The following PUM1 variants were observed in gnomAD, a reference collection of about 807,000 sequenced individuals.
The protein encoded by PUM1 is pumilio RNA binding family member 1.
PUM1 carries 13 observed loss-of-function variants against 131.8 expected under a neutral mutation model. That is an observed-to-expected ratio of 0.10 (90% CI 0.06 to 0.16). The LOEUF (loss-of-function observed/expected upper bound fraction) is 0.16, where lower values mean the gene tolerates loss of function less well. PUM1 is among the 10% of genes least tolerant of loss of function. The pLI is 1.00. For missense variants in PUM1, 961 were observed against 1,512.4 expected (o/e 0.64, Z 6.05); for synonymous variants, 509 against 556.5 (o/e 0.91, Z 1.20).
intron 14 of PUM1, among the ~76,000 whole-genome samples, chr1:30,956,200 T>G (rs1257570971): frequency 6.6e-6 from 1 of 152,230 alleles, no homozygotes; most frequent in Non-Finnish European, 1.5e-5. Flanking sequence ...AAAGTGATTT[T>G]TTTAAGGAAG....
chr1:31,033,719 T>C (rs1333848358), intron 2 of PUM1, among the ~76,000 whole-genome samples: 1 of 152,048 alleles, frequency 6.6e-6, no homozygotes. Context: ...TGGAATGCAG[T>C]GGCGCAATCA....
At chr1:30,945,052 G>T (rs1639612267) in intron 18 of PUM1, among the ~76,000 whole-genome samples, 1 of 152,210 alleles carries the variant, frequency 6.6e-6, no homozygotes, top group Admixed American at 6.5e-5. Context: ...GGGCAACATG[G>T]TGAGGCCACT....
At chr1:30,978,568 A>T (rs1294656425) in intron 9 of PUM1, among the ~76,000 whole-genome samples, 1 of 152,240 alleles carries the variant, frequency 6.6e-6, no homozygotes, top group Non-Finnish European at 1.5e-5. Flanking sequence ...CATAATTGCA[A>T]ATTACATGTT....
At chr1:31,054,260 G>C (rs1204320336) in intron 2 of PUM1, among the ~76,000 whole-genome samples, 1 of 152,052 alleles carries the variant, frequency 6.6e-6, no homozygotes, top group African/African-American at 2.4e-5. Flanking sequence ...AGGAGGCAGA[G>C]GTTGCAGTGA....
intron 2 of PUM1, among the ~76,000 whole-genome samples, chr1:31,058,088 T>G (rs1407213646): frequency 2.6e-5 from 4 of 152,102 alleles, no homozygotes. Flanking sequence ...ATGTTAAAAT[T>G]AAAAATTAAA....
rs879342420 is a variant in PUM1, at chr1:31,023,173, CA to C, written c.432+5622del. 7.8e-3 allele frequency among the ~76,000 whole-genome samples: 942 copies of C among 120,282 alleles called. 6 individuals carry two copies. The highest frequency in any genetic ancestry group is 0.039 in the East Asian group (165 of 4,218). 78.9% of individuals were successfully genotyped at this position (120,282 alleles called of 152,430 possible). On this transcript the variant is annotated intron_variant, in intron 3 of 21. Transcript: ENST00000426105. ...TGGGTGACAGAGTGAAACTCCATCT[CA>C]AAAAAAAAAAAGGCTACATTTTGAG...
At position 30,941,005 on chromosome 1, in the gene PUM1, C is replaced by A. The variant is rs1206040632; in HGVS notation, c.3242+146G>T. 5.1e-6 allele frequency: 5 copies of A among 977,962 alleles called. No homozygotes were observed. In the East Asian group the frequency reaches 1.4e-4, roughly 28 times the overall value. 60.6% of individuals were successfully genotyped at this position (977,962 alleles called of 1,614,324 possible). On this transcript the variant is annotated intron_variant, in intron 20 of 21. Coordinates refer to ENST00000426105, the MANE Select transcript of PUM1 (RefSeq NM_001020658.2). The stretch of plus-strand genomic sequence containing the variant: ...ACTAAGGGACCTCTCAGAGTTTATA[C>A]TTTGTAATAAAACTATTTGACTTTT...
intron 18 of PUM1, among the ~76,000 whole-genome samples, chr1:30,942,804 A>G (rs1332912639): frequency 6.6e-6 from 1 of 152,222 alleles, no homozygotes; most frequent in Non-Finnish European, 1.5e-5. Context: ...ACAAGGCTGG[A>G]GCGCAATGGT....
intron 5 of PUM1, among the ~76,000 whole-genome samples, chr1:31,000,380 T>C (rs997979436): frequency 6.6e-6 from 1 of 152,054 alleles, no homozygotes; most frequent in African/African-American, 2.4e-5. Flanking sequence ...CCAAGCCCAA[T>C]CAAAATCTCA....
chr1:31,033,470 G>A (rs1212298225), intron 2 of PUM1, among the ~76,000 whole-genome samples: 3 of 140,724 alleles, frequency 2.1e-5, no homozygotes, highest in South Asian at 2.3e-4. Context: ...TCGGCTCACT[G>A]CAAGCTCTGC....
At chr1:31,064,036 C>G (rs1405137132) in intron 1 of PUM1, among the ~76,000 whole-genome samples, 1 of 152,152 alleles carries the variant, frequency 6.6e-6, no homozygotes, top group South Asian at 2.1e-4. Flanking sequence ...GTACTTTAAG[C>G]AACTAGAAGT....
intron 7 of PUM1, among the ~76,000 whole-genome samples, chr1:30,991,183 C>T (rs1641775931): frequency 6.6e-6 from 1 of 151,816 alleles, no homozygotes; most frequent in Admixed American, 6.6e-5. Flanking sequence ...AAGCTAAGAA[C>T]CAAAAATGGC....
chr1:30,992,348 C>T, intron 7 of PUM1, 42 bp downstream of exon 7: 1 of 1,589,890 alleles, frequency 6.3e-7, no homozygotes, highest in Non-Finnish European at 8.6e-7. Flanking sequence ...AACGTGCTGG[C>T]TGGAGGGAGA....
At chr1:30,994,511 G>A (rs1477452686) in intron 6 of PUM1, among the ~76,000 whole-genome samples, 1 of 152,212 alleles carries the variant, frequency 6.6e-6, no homozygotes, top group Non-Finnish European at 1.5e-5. Flanking sequence ...GGCATCTGCA[G>A]AAGAGATATG....
At chr1:30,993,677 G>T (rs1218607698) in intron 6 of PUM1, among the ~76,000 whole-genome samples, 1 of 151,988 alleles carries the variant, frequency 6.6e-6, no homozygotes, top group Admixed American at 6.6e-5. Context: ...ACAAAATACT[G>T]CTACAGGCTG....
At chr1:30,974,528 T>C (rs1228564366) in intron 10 of PUM1, 123 bp downstream of exon 10, 4 of 955,052 alleles carry the variant, frequency 4.2e-6, no homozygotes, top group Non-Finnish European at 6.2e-6. Flanking sequence ...CAGACACACA[T>C]ATATACACAC....
chr1:30,960,862 A>C (rs79083431), intron 14 of PUM1, among the ~76,000 whole-genome samples: 2,468 of 152,278 alleles, frequency 0.016, 73 homozygotes, highest in African/African-American at 0.056. Flanking sequence ...ACATGAGAAA[A>C]TATTCCCCCA....
chr1:31,005,794 AGAGAGAG>A, intron 5 of PUM1, 52 bp downstream of exon 5: 20 of 98,708 alleles, frequency 2.0e-4, no homozygotes, highest in African/African-American at 8.8e-4. Context: ...GGAAAAAAAG[AGAGAGAG>A]AGAGAGAGAG....
At chr1:30,975,529 T>C (rs990792786) in intron 9 of PUM1, among the ~76,000 whole-genome samples, 15 of 146,320 alleles carry the variant, frequency 1.0e-4, no homozygotes, top group Admixed American at 1.0e-3. Context: ...TTTTTTTTTT[T>C]TTTTTTTTTT....
Sources: allele counts gnomAD v4.1 joint callset (sites outside exome capture counted in the v4.1 genomes callset), GRCh38; gene constraint gnomAD v4.1.1; transcripts MANE v1.5; gene names NCBI Gene and HGNC (gene_info 2026-07-23, HGNC 2026-07-21).